ILK: variants seen among roughly 807,000 people sequenced by gnomAD.
ILK encodes the protein integrin linked kinase, also known as scaffold protein ILK.
In ILK, 37 loss-of-function variants were observed where a neutral mutation model predicts 57.8. That is an observed-to-expected ratio of 0.64 (90% CI 0.49 to 0.84). ILK has a LOEUF of 0.84. Ranked by LOEUF, ILK falls within the 40% of genes least tolerant of loss-of-function variation. The probability of loss-of-function intolerance (pLI) is 0.00; values close to 1 mark genes in which losing one functional copy is unlikely to be tolerated. For missense variants in ILK, 528 were observed against 595.7 expected (o/e 0.89, Z 1.18); for synonymous variants, 231 against 202.2 (o/e 1.14, Z -1.21).
At chr11:6,608,000 G>C in intron 2 of ILK, 46 bp from the exon 3 acceptor site, 2 of 1,601,970 alleles carry the variant, frequency 1.2e-6, no homozygotes, top group Non-Finnish European at 1.7e-6. Context: ...CAAAACCTTT[G>C]CCCCATCCCA....
At chr11:6,607,631 A>C (rs994533574) in intron 2 of ILK, 2 of 266,052 alleles carry the variant, frequency 7.5e-6, no homozygotes, top group African/African-American at 4.4e-5. Context: ...AAGAAACTTA[A>C]AGGTCTAACA....
Position 6,610,144 on chromosome 11 carries a change from C to T in ILK, c.1079-4C>T, listed in dbSNP as rs1463063237. 1 of 1,614,082 alleles carries T rather than the reference C, an allele frequency of 6.2e-7. No individual in the cohort carries two copies. Among genetic ancestry groups the T allele is most frequent in the African/African-American group, 1.3e-5 (1 of 74,936 alleles). ...GCCAGAACAGACAAGCCCTATCTCT[C>T]CAGCTCTGCAGAAGAAGCCTGAAGA... On this transcript the variant is annotated splice_polypyrimidine_tract_variant and splice_region_variant and intron_variant, in intron 11 of 12. Coordinates refer to ENST00000299421, the MANE Select transcript of ILK (RefSeq NM_004517.4).
intron 2 of ILK, 52 bp downstream of exon 2, chr11:6,604,412 C>G: frequency 6.7e-7 from 1 of 1,487,654 alleles, no homozygotes; most frequent in Non-Finnish European, 9.2e-7. Context: ...CTCCTGGCTA[C>G]GTGGAGTGGA....
chr11:6,610,719 T>C lies in ILK; in HGVS notation c.*108T>C. On this transcript the variant is annotated 3_prime_UTR_variant, in exon 13 of 13. Coordinates refer to ENST00000299421, the MANE Select transcript of ILK (RefSeq NM_004517.4). ...TTGCCTCCCCCGCCTCCAGTCATGGTACTACCCCAGCCATGGGGTCCATCC... is the reference window on the plus strand; with the variant it reads ...TTGCCTCCCCCGCCTCCAGTCATGGCACTACCCCAGCCATGGGGTCCATCC... 7.0e-7 allele frequency: 1 copy of C among 1,436,338 alleles called. No homozygotes were observed. 89.0% of individuals were successfully genotyped at this position (1,436,338 alleles called of 1,614,324 possible). A position where few individuals can be genotyped will look rare whatever the true frequency, so the allele number is the denominator to read the frequency against.
rs776996356 is a variant in ILK, at chr11:6,610,231, C to T, written c.1162C>T (p.Arg388Trp). The stretch of plus-strand genomic sequence containing the variant: ...AGTGCTTCTGTGGGAACTGGTGACA[C>T]GGGAGGTACCCTTTGCTGACCTCTC... ...FAVLLWELVT[R>W]EVPFADLSNM... is the part of the protein sequence containing the mutation. The change falls in exon 12 of 13, where the codon CGG (arginine) becomes TGG (tryptophan). Residue 388 changes from arginine to tryptophan, a missense_variant. Coordinates refer to ENST00000299421, the MANE Select transcript of ILK (RefSeq NM_004517.4). The T allele has an allele frequency of 1.2e-5, 20 of 1,614,134 alleles. No homozygotes were observed. Among genetic ancestry groups the T allele is most frequent in the Non-Finnish European group, 1.6e-5 (19 of 1,180,020 alleles).
intron 12 of ILK, 49 bp from the exon 13 acceptor site, chr11:6,610,413 T>G (rs529382293): frequency 6.2e-7 from 1 of 1,614,060 alleles, no homozygotes; most frequent in Non-Finnish European, 8.5e-7. Context: ...GGCTTCTCTC[T>G]ACATGACAGA....
intron 1 of ILK, 96 bp downstream of exon 1, chr11:6,603,918 C>T (rs965520454): frequency 8.8e-6 from 4 of 455,600 alleles, no homozygotes; most frequent in African/African-American, 5.9e-5. Context: ...CCCCGGTCCC[C>T]TCTCCCAGAG....
Position 6,609,316 on chromosome 11 carries a change from G to A in ILK, c.636G>A (p.Trp212Ter). 6.2e-7 allele frequency: 1 copy of A among 1,614,150 alleles called. No individual in the cohort carries two copies. The highest frequency in any genetic ancestry group is 8.5e-7 in the Non-Finnish European group (1 of 1,180,026). The part of the protein sequence containing the change: ...NHSGELWKGR[W>*]QGNDIVVKVL... ...TCCTGCAGCTATGGAAGGGCCGCTG[G>A]CAGGGCAATGACATTGTCGTGAAGG... The change falls in exon 8 of 13, where the codon TGG (tryptophan) becomes TGA (stop). Residue 212 changes from tryptophan to a stop codon, truncating the protein, a stop_gained. Coordinates refer to ENST00000299421, the MANE Select transcript of ILK (RefSeq NM_004517.4). LOFTEE classifies it high-confidence loss of function.
Position 6,608,303 on chromosome 11 carries a change from C to G in ILK, c.256-91C>G. On this transcript the variant is annotated intron_variant, in intron 3 of 12. Coordinates refer to ENST00000299421, the MANE Select transcript of ILK (RefSeq NM_004517.4). The surrounding 1 kb of genome is among the most constrained non-coding windows in gnomAD (Gnocchi z 4.9). ...ACATACAGTAGAAAGCATGTGTGCT[C>G]TTCCCCCTTTTCCCATGCCCTGACA... The G allele has an allele frequency of 6.4e-7, 1 of 1,559,958 alleles. No homozygotes were observed. Among genetic ancestry groups the G allele is most frequent in the Non-Finnish European group, 8.8e-7 (1 of 1,130,670 alleles).
At chr11:6,610,085 A>G in intron 11 of ILK, 50 bp downstream of exon 11, 1 of 1,614,008 alleles carries the variant, frequency 6.2e-7, no homozygotes, top group South Asian at 1.1e-5. Context: ...CCTCAGAAGT[A>G]GTGGAAGGGG....
intron 2 of ILK, chr11:6,606,328 TGGA>T (rs1357915247): frequency 1.3e-5 from 2 of 152,206 alleles, no homozygotes; most frequent in Non-Finnish European, 2.9e-5. Flanking sequence ...TTAAAATTGG[TGGA>T]GTTTAGTTTT....
chr11:6,609,996 C>G lies in ILK; in HGVS notation c.1039C>G (p.Pro347Ala). 6.2e-7 allele frequency: 1 copy of G among 1,614,186 alleles called. No individual in the cohort carries two copies. Among genetic ancestry groups the G allele is most frequent in the Non-Finnish European group, 8.5e-7 (1 of 1,180,048 alleles). The change falls in exon 11 of 13, where the codon CCT becomes GCT. Residue 347 changes from proline (P) to alanine (A), a missense_variant. Pro to Ala is a conservative substitution (Grantham distance 27). Coordinates refer to ENST00000299421, the MANE Select transcript of ILK (RefSeq NM_004517.4). ...TGATGTCAAGTTCTCTTTCCAATGT[C>G]CTGGTCGCATGTATGCACCTGCCTG... ...MADVKFSFQC[P>A]GRMYAPAWVA...
At chr11:6,604,121 A>C (rs1854577547) in intron 1 of ILK, 59 bp from the exon 2 acceptor site, 1 of 719,674 alleles carries the variant, frequency 1.4e-6, no homozygotes, top group Non-Finnish European at 2.4e-6. Flanking sequence ...ACAGACCCCC[A>C]CTAGCCGGGG....
Position 6,608,864 on chromosome 11 carries a change from A to C in ILK, c.449-20A>C, listed in dbSNP as rs1401782285. 3.7e-6 allele frequency: 6 copies of C among 1,613,724 alleles called. No homozygotes were observed. Among genetic ancestry groups the C allele is most frequent in the African/African-American group, 1.3e-5 (1 of 74,884 alleles). On this transcript the variant is annotated intron_variant, in intron 5 of 12. Coordinates refer to ENST00000299421, the MANE Select transcript of ILK (RefSeq NM_004517.4). The surrounding 1 kb of genome is among the most constrained non-coding windows in gnomAD (Gnocchi z 4.9). ...GTCTTCTCCCTCTGTACCACAGCTT[A>C]GGTTGTTTTTCTTCCCTAGAGCGGG...
At chr11:6,604,126 C>T (rs1715220008) in intron 1 of ILK, 54 bp from the exon 2 acceptor site, 3 of 738,384 alleles carry the variant, frequency 4.1e-6, no homozygotes, top group Non-Finnish European at 7.0e-6. Flanking sequence ...CCCCCACTAG[C>T]CGGGGACGCA....
chr11:6,608,326 A>G lies in ILK; in HGVS notation c.256-68A>G. On this transcript the variant is annotated intron_variant, in intron 3 of 12. Coordinates refer to ENST00000299421, the MANE Select transcript of ILK (RefSeq NM_004517.4). This position sits in a 1 kb window ranked among gnomAD's most constrained non-coding sequence, Gnocchi z 4.9. The stretch of plus-strand genomic sequence containing the variant: ...CTCTTCCCCCTTTTCCCATGCCCTG[A>G]CACCAGTATCTCATTTGGAACTGAC... 1 of 1,572,838 alleles carries G rather than the reference A, an allele frequency of 6.4e-7. No individual in the cohort carries two copies. The highest frequency in any genetic ancestry group is 1.1e-5 in the South Asian group (1 of 90,214).
intron 2 of ILK, 34 bp downstream of exon 2, chr11:6,604,394 C>G (rs745967783): frequency 6.4e-7 from 1 of 1,552,342 alleles, no homozygotes; most frequent in Non-Finnish European, 8.8e-7. Flanking sequence ...GAGAGGAAGG[C>G]TAGAGATCTC....
chr11:6,603,982 T>A (rs1440486197), intron 1 of ILK, 160 bp downstream of exon 1: 1 of 553,716 alleles, frequency 1.8e-6, no homozygotes, highest in Non-Finnish European at 3.3e-6. Flanking sequence ...GGATAGGGTC[T>A]AGTTGCCTGC....
At chr11:6,604,986 G>A (rs962676521) in intron 2 of ILK, 2 of 439,912 alleles carry the variant, frequency 4.5e-6, no homozygotes, top group Admixed American at 5.0e-5. Context: ...AAGTCTTTAG[G>A]ACGAAGAATT....
Sources: gnomAD v4.1 joint callset for allele counts on GRCh38, gnomAD v4.1.1 for gene constraint, Gnocchi (gnomAD v3.1) non-coding constraint, MANE v1.5 for transcripts, NCBI Gene and HGNC (gene_info 2026-07-23, HGNC 2026-07-21) for gene names.